LEF1: variants seen among roughly 807,000 people sequenced by gnomAD.
The protein encoded by LEF1 is lymphoid enhancer-binding factor 1.
LEF1 carries 14 observed loss-of-function variants against 51.2 expected under a neutral mutation model. The observed-to-expected ratio is 0.27, with a 90% CI of 0.18 to 0.43. The LOEUF (loss-of-function observed/expected upper bound fraction) is 0.43. LEF1 is among the 20% of genes least tolerant of loss of function. The pLI, the probability that LEF1 is intolerant of heterozygous loss-of-function variation, is 1.00. For synonymous variants in LEF1, 185 were observed against 183.2 expected (o/e 1.01, Z -0.08); for missense variants, 386 against 512.0 (o/e 0.75, Z 2.37).
intron 3 of LEF1, among the ~76,000 whole-genome samples, chr4:108,126,064 C>T (rs945588815): frequency 6.6e-6 from 1 of 152,080 alleles, no homozygotes; most frequent in Non-Finnish European, 1.5e-5. Flanking sequence ...GGAAATAGTC[C>T]TATTCCTGAG....
chr4:108,059,061 T>G (rs1435855918), intron 11 of LEF1, among the ~76,000 whole-genome samples: 1 of 152,254 alleles, frequency 6.6e-6, no homozygotes, highest in Non-Finnish European at 1.5e-5. Context: ...TTTAGGGATC[T>G]CATTTCCAAT....
chr4:108,167,534 C>T lies in LEF1; in HGVS notation c.213+21G>A. 1 of 1,612,638 alleles carries T rather than the reference C, an allele frequency of 6.2e-7. No homozygotes were observed. ...CAGGGACCCGCCACGCCTCTCGGAA[C>T]TGGGGCAGCGGCCCGCTCACCTCGT... On this transcript the variant is annotated intron_variant, in intron 1 of 11. Transcript: ENST00000265165. The surrounding 1 kb of genome is among the most constrained non-coding windows in gnomAD (Gnocchi z 5.7).
chr4:108,071,278 TTATC>T (rs1338784007), intron 8 of LEF1, among the ~76,000 whole-genome samples: 1 of 152,174 alleles, frequency 6.6e-6, no homozygotes. Context: ...AATCATATGA[TTATC>T]TATAAAGAAG....
chr4:108,067,593 G>A (rs1219465135), intron 9 of LEF1, among the ~76,000 whole-genome samples: 1 of 151,054 alleles, frequency 6.6e-6, no homozygotes, highest in Admixed American at 6.6e-5. Context: ...GCAGTGGTGC[G>A]ATCTGGGCTC....
chr4:108,047,883 AAAG>A lies in LEF1; in HGVS notation c.*872_*874del, dbSNP rs1345086571. 3.3e-5 allele frequency: 5 copies of A among 152,668 alleles called. No homozygotes were observed. Among genetic ancestry groups the A allele is most frequent in the Admixed American group, 6.5e-5 (1 of 15,292 alleles). 9.5% of individuals were successfully genotyped at this position (152,668 alleles called of 1,614,324 possible). On this transcript the variant is annotated 3_prime_UTR_variant, in exon 12 of 12. Transcript: ENST00000265165. The stretch of plus-strand genomic sequence containing the variant: ...TTAAGGTTTACTGTTTAAAAAAAGA[AAAG>A]AAGAAAACAGAAGAAAAAATAAACT...
intron 3 of LEF1, among the ~76,000 whole-genome samples, chr4:108,130,722 T>G (rs1742822796): frequency 1.4e-5 from 2 of 146,708 alleles, no homozygotes; most frequent in African/African-American, 5.0e-5. Flanking sequence ...AAAGTGAGAC[T>G]CCGACTCAAA....
intron 3 of LEF1, among the ~76,000 whole-genome samples, chr4:108,151,931 A>C (rs1560826290): frequency 6.6e-6 from 1 of 152,156 alleles, no homozygotes; most frequent in Admixed American, 6.5e-5. Flanking sequence ...TATTCCACAA[A>C]CATCTGGTGA....
intron 3 of LEF1, among the ~76,000 whole-genome samples, chr4:108,127,682 A>G (rs1742630595): frequency 2.0e-5 from 3 of 152,222 alleles, no homozygotes; most frequent in Admixed American, 2.0e-4. Context: ...CGGAAAATAA[A>G]TTATCGTGAC....
chr4:108,104,611 G>C, intron 3 of LEF1: 1 of 893,528 alleles, frequency 1.1e-6, no homozygotes, highest in East Asian at 1.2e-4. Flanking sequence ...CCAACCCACA[G>C]CAAAGTACGA....
In LEF1 at chr4:108,168,718, G is replaced by A. The variant is rs1745568797; in HGVS notation, c.-951C>T. Reference sequence around the variant, plus strand: ...CTCGAGTTTCTCAGCCTGGCTCGCCGGCTCGCCGCTCTGCACGCCTCCGCC... The same window carrying A: ...CTCGAGTTTCTCAGCCTGGCTCGCCAGCTCGCCGCTCTGCACGCCTCCGCC... On this transcript the variant is annotated 5_prime_UTR_variant, in exon 1 of 12. Coordinates refer to ENST00000265165, the MANE Select transcript of LEF1 (RefSeq NM_016269.5). The surrounding 1 kb of genome is among the most constrained non-coding windows in gnomAD (Gnocchi z 4.6). 2 of 152,194 alleles carry A rather than the reference G, an allele frequency of 1.3e-5. No individual in the cohort carries two copies. Among genetic ancestry groups the A allele is most frequent in the African/African-American group, 4.8e-5 (2 of 41,442 alleles). The allele number at this position is 152,194 out of a possible 1,614,324, so 9.4% of individuals were successfully genotyped here. A position where few individuals can be genotyped will look rare whatever the true frequency, so the allele number is the denominator to read the frequency against.
intron 3 of LEF1, among the ~76,000 whole-genome samples, chr4:108,160,017 G>A: frequency 6.6e-6 from 1 of 152,168 alleles, no homozygotes; most frequent in Non-Finnish European, 1.5e-5. Context: ...AACGTTTGCT[G>A]CAGCTTCCTG....
At chr4:108,133,035 G>A (rs562842512) in intron 3 of LEF1, among the ~76,000 whole-genome samples, 1 of 151,796 alleles carries the variant, frequency 6.6e-6, no homozygotes, top group East Asian at 2.0e-4. Flanking sequence ...GTGCAGTGGT[G>A]CAGTCTCGGC....
At chr4:108,144,115 C>T (rs1261767819) in intron 3 of LEF1, among the ~76,000 whole-genome samples, 1 of 152,172 alleles carries the variant, frequency 6.6e-6, no homozygotes, top group Non-Finnish European at 1.5e-5. Flanking sequence ...TGCCCAAAGT[C>T]TGGGACCCCT....
chr4:108,094,955 G>A (rs1740286035), intron 3 of LEF1, among the ~76,000 whole-genome samples: 1 of 152,170 alleles, frequency 6.6e-6, no homozygotes, highest in Non-Finnish European at 1.5e-5. Flanking sequence ...CCCAGAAAGA[G>A]AGGCAGATTT....
At chr4:108,138,799 T>C (rs148953395) in intron 3 of LEF1, among the ~76,000 whole-genome samples, 15 of 152,312 alleles carry the variant, frequency 9.8e-5, no homozygotes, top group Non-Finnish European at 2.1e-4. Context: ...GATGCTTCCA[T>C]GGGGGACAGA....
At chr4:108,130,225 G>A (rs1742787148) in intron 3 of LEF1, among the ~76,000 whole-genome samples, 1 of 152,106 alleles carries the variant, frequency 6.6e-6, no homozygotes, top group Non-Finnish European at 1.5e-5. Context: ...TGATAACACT[G>A]GTGACCAGAA....
At chr4:108,057,547 G>C (rs1306459645) in intron 11 of LEF1, among the ~76,000 whole-genome samples, 1 of 152,076 alleles carries the variant, frequency 6.6e-6, no homozygotes, top group African/African-American at 2.4e-5. Flanking sequence ...TGGACACCAG[G>C]CACAGCTCCT....
chr4:108,091,335 T>G (rs938522878), intron 3 of LEF1, among the ~76,000 whole-genome samples: 1 of 151,916 alleles, frequency 6.6e-6, no homozygotes, highest in Non-Finnish European at 1.5e-5. Flanking sequence ...GTGGCTCCAA[T>G]GAGAAGGACT....
chr4:108,108,249 T>G (rs1741297273), intron 3 of LEF1, among the ~76,000 whole-genome samples: 1 of 152,164 alleles, frequency 6.6e-6, no homozygotes, highest in Non-Finnish European at 1.5e-5. Context: ...TCAGGTGCTT[T>G]GCAAGAGATG....
Sources: allele counts gnomAD v4.1 joint callset (sites outside exome capture counted in the v4.1 genomes callset), GRCh38; gene constraint gnomAD v4.1.1; non-coding constraint Gnocchi (gnomAD v3.1); transcripts MANE v1.5; gene names NCBI Gene and HGNC (gene_info 2026-07-23, HGNC 2026-07-21).